RCAN2: variants seen among roughly 807,000 people sequenced by gnomAD.
The protein encoded by RCAN2 is regulator of calcineurin 2.
A neutral mutation model predicts 23.6 loss-of-function variants in RCAN2; 9 were observed. The ratio of observed to expected loss-of-function variants is 0.38; its 90% CI spans 0.23 to 0.67. The LOEUF (loss-of-function observed/expected upper bound fraction) is 0.67. RCAN2 is among the 30% of genes least tolerant of loss of function. The pLI is 0.51. For synonymous variants in RCAN2, 109 were observed against 115.7 expected, an observed-to-expected ratio of 0.94 and a Z score of 0.37; for missense variants, 273 against 302.3, an observed-to-expected ratio of 0.90 and a Z score of 0.72.
At chr6:46,265,679 A>C (rs1234992815) in intron 2 of RCAN2, among the ~76,000 whole-genome samples, 3 of 152,178 alleles carry the variant, frequency 2.0e-5, no homozygotes, top group African/African-American at 7.2e-5. Flanking sequence ...GGAACCTGTC[A>C]AAATATGCAG....
At chr6:46,377,901 A>G (rs1213988933) in intron 2 of RCAN2, among the ~76,000 whole-genome samples, 1 of 152,218 alleles carries the variant, frequency 6.6e-6, no homozygotes, top group Non-Finnish European at 1.5e-5. Flanking sequence ...ACAATTTTCT[A>G]CATAATAGAT....
chr6:46,236,822 C>CTATG (rs1766117558), intron 4 of RCAN2, among the ~76,000 whole-genome samples: 2 of 152,238 alleles, frequency 1.3e-5, no homozygotes. Context: ...CATAGAAACT[C>CTATG]ACTACATTCC....
intron 4 of RCAN2, among the ~76,000 whole-genome samples, chr6:46,227,070 T>C (rs1359754448): frequency 2.0e-5 from 3 of 152,228 alleles, no homozygotes; most frequent in African/African-American, 4.8e-5. Flanking sequence ...TTTGGTTCTA[T>C]TTATATGATG....
At chr6:46,458,248 C>A (rs772525055) in intron 1 of RCAN2, among the ~76,000 whole-genome samples, 18 of 152,194 alleles carry the variant, frequency 1.2e-4, no homozygotes, top group Non-Finnish European at 1.9e-4. Context: ...GATCCCCAGA[C>A]AAAATATCAG....
intron 2 of RCAN2, among the ~76,000 whole-genome samples, chr6:46,405,473 T>A (rs746088484): frequency 6.6e-6 from 1 of 152,134 alleles, no homozygotes; most frequent in Non-Finnish European, 1.5e-5. Flanking sequence ...GCGTTTACAA[T>A]CCTTGAGCTA....
chr6:46,308,727 A>G (rs1763148054), intron 2 of RCAN2, among the ~76,000 whole-genome samples: 1 of 152,184 alleles, frequency 6.6e-6, no homozygotes, highest in South Asian at 2.1e-4. Context: ...TTCTTCAAAG[A>G]ACAAAAGTAC....
chr6:46,239,473 T>C (rs919755803), intron 4 of RCAN2, among the ~76,000 whole-genome samples: 2 of 152,190 alleles, frequency 1.3e-5, no homozygotes, highest in African/African-American at 4.8e-5. Flanking sequence ...GCCTTACTAC[T>C]TCCTAGATTT....
At chr6:46,310,946 A>G (rs1233277151) in intron 2 of RCAN2, among the ~76,000 whole-genome samples, 2 of 152,248 alleles carry the variant, frequency 1.3e-5, no homozygotes, top group African/African-American at 4.8e-5. Flanking sequence ...TAATAGACTC[A>G]GTAGAACTTA....
chr6:46,478,804 A>G (rs1285887968), intron 1 of RCAN2, among the ~76,000 whole-genome samples: 1 of 152,252 alleles, frequency 6.6e-6, no homozygotes, highest in Non-Finnish European at 1.5e-5. Context: ...TTTAAGCCAG[A>G]AGCTTTTAAA....
At chr6:46,437,529 G>A (rs1054267552) in intron 2 of RCAN2, among the ~76,000 whole-genome samples, 8 of 152,176 alleles carry the variant, frequency 5.3e-5, no homozygotes, top group Non-Finnish European at 1.0e-4. Flanking sequence ...TTATTAGGGA[G>A]GACTTCAAAC....
chr6:46,362,720 T>G lies in RCAN2; in HGVS notation c.225+94032A>C, dbSNP rs957753360. Among the ~76,000 whole-genome samples the G allele has an allele frequency of 6.6e-5, 10 of 152,338 alleles. No individual in the cohort carries two copies. The East Asian group carries it at 1.5e-3, about 23-fold the overall frequency. ...ACACATGGACCCAGCCGATATTTTC[T>G]TAATGATCACAGAGAGAAGACAAGT... On this transcript the variant is annotated intron_variant, in intron 2 of 4. Coordinates refer to ENST00000371374, the MANE Select transcript of RCAN2 (RefSeq NM_001251974.2).
chr6:46,353,480 C>A (rs191705339), intron 2 of RCAN2, among the ~76,000 whole-genome samples: 1 of 152,232 alleles, frequency 6.6e-6, no homozygotes, highest in East Asian at 1.9e-4. Context: ...CCAAAAGTAT[C>A]TTGATGAAAA....
intron 2 of RCAN2, among the ~76,000 whole-genome samples, chr6:46,375,872 C>T (rs1765445336): frequency 6.6e-6 from 1 of 152,160 alleles, no homozygotes; most frequent in East Asian, 1.9e-4. Flanking sequence ...TGATTTTTCC[C>T]AATCACTTAA....
intron 1 of RCAN2, among the ~76,000 whole-genome samples, chr6:46,480,359 A>G (rs1018829427): frequency 6.6e-5 from 10 of 152,218 alleles, no homozygotes; most frequent in Non-Finnish European, 1.5e-4. Context: ...AAATATCCAC[A>G]ATTATTCCTG....
chr6:46,415,710 TAATA>T (rs754511817), intron 2 of RCAN2, among the ~76,000 whole-genome samples: 4 of 152,026 alleles, frequency 2.6e-5, no homozygotes, highest in Non-Finnish European at 4.4e-5. Context: ...AAAAAAAAAT[TAATA>T]AATAAACTAG....
intron 2 of RCAN2, among the ~76,000 whole-genome samples, chr6:46,425,050 C>G (rs1389298621): frequency 6.6e-6 from 1 of 152,144 alleles, no homozygotes; most frequent in Non-Finnish European, 1.5e-5. Context: ...CTCAGGCATG[C>G]ATGTGGTCCC....
chr6:46,382,385 C>T (rs1765633962), intron 2 of RCAN2, among the ~76,000 whole-genome samples: 1 of 152,168 alleles, frequency 6.6e-6, no homozygotes, highest in Non-Finnish European at 1.5e-5. Flanking sequence ...ATGGAAACTA[C>T]ATACAGCTAA....
chr6:46,233,161 C>T (rs753012196), intron 4 of RCAN2, among the ~76,000 whole-genome samples: 1 of 152,176 alleles, frequency 6.6e-6, no homozygotes, highest in South Asian at 2.1e-4. Context: ...CTTTGGTGTT[C>T]TCATTGTTGT....
chr6:46,311,349 T>C (rs1408981688), intron 2 of RCAN2, among the ~76,000 whole-genome samples: 1 of 152,162 alleles, frequency 6.6e-6, no homozygotes, highest in African/African-American at 2.4e-5. Flanking sequence ...AAGCAGAAAC[T>C]TACTGGTTTA....
Sources: gnomAD v4.1 joint callset for allele counts (sites outside exome capture counted in the v4.1 genomes callset) on GRCh38, gnomAD v4.1.1 for gene constraint, MANE v1.5 for transcripts, NCBI Gene and HGNC (gene_info 2026-07-23, HGNC 2026-07-21) for gene names.